The following FGF7 variants were observed in gnomAD, a reference collection of about 807,000 sequenced individuals.
FGF7 encodes the protein FGF-7.
A neutral mutation model predicts 20.5 loss-of-function variants in FGF7; 6 were observed. The ratio of observed to expected loss-of-function variants is 0.29; its 90% confidence interval spans 0.16 to 0.58. The LOEUF is 0.58. FGF7 is among the 20% of genes least tolerant of loss of function. The pLI is 0.90. For synonymous variants in FGF7, 64 were observed against 74.7 expected (o/e 0.86, Z 0.74); for missense variants, 144 against 228.8 (o/e 0.63, Z 2.39).
chr15:49,477,557 C>A (rs2055460714), intron 2 of FGF7, among the ~76,000 whole-genome samples: 1 of 152,064 alleles, frequency 6.6e-6, no homozygotes, highest in Non-Finnish European at 1.5e-5. Flanking sequence ...TATACGTGTA[C>A]CATAGTTTGT....
chr15:49,446,124 A>G (rs758087607), intron 2 of FGF7, among the ~76,000 whole-genome samples: 1 of 151,596 alleles, frequency 6.6e-6, no homozygotes, highest in Non-Finnish European at 1.5e-5. Context: ...TAATTAGTGT[A>G]TTATAATTGG....
chr15:49,426,777 G>C (rs1368969502), intron 2 of FGF7, among the ~76,000 whole-genome samples: 1 of 151,752 alleles, frequency 6.6e-6, no homozygotes, highest in African/African-American at 2.4e-5. Flanking sequence ...CACAATACCA[G>C]TGTACTAAAA....
chr15:49,424,488 T>G lies in FGF7; in HGVS notation c.191T>G (p.Ile64Arg). 6.2e-7 allele frequency: 1 copy of G among 1,613,412 alleles called. No individual in the cohort carries two copies. The highest frequency in any genetic ancestry group is 8.5e-7 in the Non-Finnish European group (1 of 1,179,572). The change falls in exon 2 of 4, where the codon ATA becomes AGA. Residue 64 changes from isoleucine to arginine, a missense_variant. Ile to Arg is a moderately conservative substitution (Grantham distance 97). Transcript: ENST00000267843. Reference protein sequence around the residue: ...RSYDYMEGGDIRVRRLFCRTQ... With the variant: ...RSYDYMEGGDRRVRRLFCRTQ... Reference sequence around the variant, plus strand: ...TATGATTACATGGAAGGAGGGGATATAAGAGTGAGAAGACTCTTCTGTCGA... The same window carrying G: ...TATGATTACATGGAAGGAGGGGATAGAAGAGTGAGAAGACTCTTCTGTCGA...
intron 2 of FGF7, among the ~76,000 whole-genome samples, chr15:49,459,391 T>C (rs1418337831): frequency 1.3e-5 from 2 of 152,224 alleles, no homozygotes; most frequent in African/African-American, 4.8e-5. Flanking sequence ...GTTTATTCCA[T>C]GAATTTTCTG....
chr15:49,438,595 A>T (rs928378187), intron 2 of FGF7, among the ~76,000 whole-genome samples: 6 of 151,730 alleles, frequency 4.0e-5, no homozygotes, highest in Non-Finnish European at 5.9e-5. Context: ...GATTGAGTTG[A>T]TAAGAAAGTG....
chr15:49,485,291 A>G lies in FGF7; in HGVS notation c.*787A>G, dbSNP rs1236530700. On this transcript the variant is annotated 3_prime_UTR_variant, in exon 4 of 4. Coordinates refer to ENST00000267843, the MANE Select transcript of FGF7 (RefSeq NM_002009.4). ...TATAAATCCTCAAAGTAAAATTGAG[A>G]AATCTTTAAGTTTTTTTCAAGTAAC... The G allele has an allele frequency of 6.6e-6, 1 of 152,374 alleles. No homozygotes were observed. Among genetic ancestry groups the G allele is most frequent in the East Asian group, 1.9e-4 (1 of 5,196 alleles). 9.4% of individuals were successfully genotyped at this position (152,374 alleles called of 1,614,324 possible). A position where few individuals can be genotyped will look rare whatever the true frequency, so the allele number is the denominator to read the frequency against.
chr15:49,455,445 A>C (rs2053192428), intron 2 of FGF7, among the ~76,000 whole-genome samples: 1 of 152,214 alleles, frequency 6.6e-6, no homozygotes, highest in Non-Finnish European at 1.5e-5. Flanking sequence ...TGTTTTCTTA[A>C]GTAATAAAAT....
At chr15:49,467,492 A>G (rs959361866) in intron 2 of FGF7, among the ~76,000 whole-genome samples, 3 of 152,152 alleles carry the variant, frequency 2.0e-5, no homozygotes, top group African/African-American at 4.8e-5. Context: ...CCTGCTGAAG[A>G]TATTTTAGAC....
Position 49,484,510 on chromosome 15 carries a change from T to C in FGF7, c.*6T>C, listed in dbSNP as rs781259549. 5.6e-6 allele frequency: 8 copies of C among 1,437,624 alleles called. No individual in the cohort carries two copies. In the South Asian group the frequency reaches 1.0e-4, roughly 19 times the overall value. 89.1% of individuals were successfully genotyped at this position (1,437,624 alleles called of 1,614,324 possible). A position where few individuals can be genotyped will look rare whatever the true frequency, so the allele number is the denominator to read the frequency against. On this transcript the variant is annotated 3_prime_UTR_variant, in exon 4 of 4. Transcript: ENST00000267843. ...TTCCTATGGCAATAACTTAATTGCA[T>C]ATGGTATATAAAGAACCAGTTCCAG...
At chr15:49,468,336 T>C (rs766889064) in intron 2 of FGF7, among the ~76,000 whole-genome samples, 15 of 152,186 alleles carry the variant, frequency 9.9e-5, no homozygotes, top group Non-Finnish European at 1.9e-4. Flanking sequence ...GGAACTATTT[T>C]GAATTTCATG....
intron 1 of FGF7, 121 bp downstream of exon 1, chr15:49,423,561 A>G (rs2049872579): frequency 6.6e-6 from 1 of 152,174 alleles, no homozygotes; most frequent in Non-Finnish European, 1.5e-5. Context: ...CCATGTAACT[A>G]TAGTAATTAT....
intron 2 of FGF7, among the ~76,000 whole-genome samples, chr15:49,454,599 ATTTAT>A (rs1010404813): frequency 5.3e-5 from 8 of 151,998 alleles, no homozygotes; most frequent in African/African-American, 1.9e-4. Flanking sequence ...TATACTCTTT[ATTTAT>A]TTTATTTTTT....
chr15:49,458,464 C>T (rs2053514967), intron 2 of FGF7, among the ~76,000 whole-genome samples: 2 of 151,974 alleles, frequency 1.3e-5, no homozygotes, highest in Non-Finnish European at 2.9e-5. Flanking sequence ...TATTTTTCAT[C>T]CAAGATTTTC....
intron 2 of FGF7, among the ~76,000 whole-genome samples, chr15:49,465,545 A>G (rs2054192829): frequency 6.6e-6 from 1 of 151,976 alleles, no homozygotes; most frequent in Non-Finnish European, 1.5e-5. Context: ...TGAGTGTTGC[A>G]TGTTGAAAAT....
At chr15:49,442,274 C>T (rs2051731161) in intron 2 of FGF7, among the ~76,000 whole-genome samples, 1 of 151,592 alleles carries the variant, frequency 6.6e-6, no homozygotes, top group Non-Finnish European at 1.5e-5. Flanking sequence ...CTCTGCATGA[C>T]AATATTGACT....
chr15:49,452,311 C>T (rs899586264), intron 2 of FGF7, among the ~76,000 whole-genome samples: 1 of 152,132 alleles, frequency 6.6e-6, no homozygotes, highest in Non-Finnish European at 1.5e-5. Flanking sequence ...CCTTGGCTTC[C>T]CACTGTTCTG....
At chr15:49,462,227 GC>G (rs1249753895) in intron 2 of FGF7, among the ~76,000 whole-genome samples, 39 of 152,160 alleles carry the variant, frequency 2.6e-4, no homozygotes, top group Admixed American at 2.2e-3. Flanking sequence ...ATTGATTATT[GC>G]TTTTTTGTAC....
At position 49,462,199 on chromosome 15, in the gene FGF7, A is replaced by C. The variant is rs558885467; in HGVS notation, c.287-20952A>C. ...TGAGGATCTGGGATGACTTAGGAGG[A>C]TCTGGGATGAAAAAAAGATTGATTA... On this transcript the variant is annotated intron_variant, in intron 2 of 3. Transcript: ENST00000267843. 9.9e-5 allele frequency among the ~76,000 whole-genome samples: 15 copies of C among 152,236 alleles called. No individual in the cohort carries two copies. In the South Asian group the frequency reaches 2.5e-3, roughly 25 times the overall value.
intron 2 of FGF7, among the ~76,000 whole-genome samples, chr15:49,433,359 T>G (rs2151798300): frequency 6.6e-6 from 1 of 151,658 alleles, no homozygotes; most frequent in Non-Finnish European, 1.5e-5. Flanking sequence ...CTTCCAGTGG[T>G]AGAAGCAGCA....
Sources: gnomAD v4.1 joint callset for allele counts (sites outside exome capture counted in the v4.1 genomes callset) on GRCh38, gnomAD v4.1.1 for gene constraint, MANE v1.5 for transcripts, NCBI Gene and HGNC (gene_info 2026-07-23, HGNC 2026-07-21) for gene names.